PKD2L1: variants seen among roughly 807,000 people sequenced by gnomAD.
PKD2L1 encodes polycystin 2 like 1, transient receptor potential cation channel.
In PKD2L1, 77 loss-of-function variants were observed where a neutral mutation model predicts 93.0. The observed-to-expected ratio is 0.83, with a 90% confidence interval of 0.69 to 1.00. The LOEUF is 1.00. Ranked by LOEUF, PKD2L1 falls within the 50% of genes least tolerant of loss-of-function variation. The pLI, the probability that PKD2L1 is intolerant of heterozygous loss-of-function variation, is 0.00. For missense variants in PKD2L1, 977 were observed against 990.9 expected (o/e 0.99, Z 0.19); for synonymous variants, 390 against 388.0 (o/e 1.01, Z -0.06).
At chr10:100,294,472 T>A (rs1848474162) in intron 9 of PKD2L1, 63 bp downstream of exon 9, 4 of 1,576,950 alleles carry the variant, frequency 2.5e-6, no homozygotes, top group Non-Finnish European at 3.5e-6. Context: ...GTGAGGGACA[T>A]ACTAGGACCA....
chr10:100,323,984 C>T (rs1229446885), intron 2 of PKD2L1, among the ~76,000 whole-genome samples: 13 of 152,078 alleles, frequency 8.5e-5, no homozygotes, highest in South Asian at 2.1e-4. Context: ...CCCGCCATCA[C>T]GCCTGGCTAA....
chr10:100,293,445 C>A (rs1848451649), intron 9 of PKD2L1, 66 bp from the exon 10 acceptor site: 2 of 1,020,946 alleles, frequency 2.0e-6, no homozygotes, highest in Middle Eastern at 2.4e-4. Context: ...AGCCCACTGA[C>A]CCCATTAATG....
At position 100,329,253 on chromosome 10, in the gene PKD2L1, C is replaced by T. The variant is rs545418094; in HGVS notation, c.307G>A (p.Glu103Lys). Residue 103 changes from glutamate to lysine, a missense_variant, in exon 2 of 16, where the codon GAG (glutamate) becomes AAG (lysine). Coordinates refer to ENST00000318222, the MANE Select transcript of PKD2L1 (RefSeq NM_016112.3). Reference sequence around the variant, plus strand: ...AGGAACACAATATATACCAACAGCTCCCTCAGGGTGGTCTTGATATAAAGT... The same window carrying T: ...AGGAACACAATATATACCAACAGCTTCCTCAGGGTGGTCTTGATATAAAGT... The part of the protein sequence containing the change: ...RELYIKTTLR[E>K]LLVYIVFLVD... 19 of 1,614,060 alleles carry T rather than the reference C, an allele frequency of 1.2e-5. No individual in the cohort carries two copies. In the South Asian group the frequency reaches 1.9e-4, roughly 16 times the overall value.
At chr10:100,302,280 C>T (rs3892213) in intron 2 of PKD2L1, among the ~76,000 whole-genome samples, 26,704 of 150,746 alleles carry the variant, frequency 0.18, 2,812 homozygotes, top group African/African-American at 0.31. Flanking sequence ...CACACACACA[C>T]ATATCAATTA....
At position 100,298,735 on chromosome 10, in the gene PKD2L1, G is replaced by A. The variant is rs772581996; in HGVS notation, c.558C>T (p.Ser186=). Reference sequence around the variant, plus strand: ...GCAGCATGTTCTCATAGTAGATGAAGGAGTGGGAGCCATGGCCCAGGCTCT... The same window carrying A: ...GCAGCATGTTCTCATAGTAGATGAAAGAGTGGGAGCCATGGCCCAGGCTCT... ...NNQSLGHGSH[S]FIYYENMLLG... The change falls in exon 4 of 16, where the codon TCC becomes TCT. Residue 186 remains serine (S), a synonymous_variant. Transcript: ENST00000318222. 56 of 1,613,930 alleles carry A rather than the reference G, an allele frequency of 3.5e-5. No homozygotes were observed. The highest frequency in any genetic ancestry group is 5.3e-5 in the African/African-American group (4 of 74,886).
In PKD2L1 at chr10:100,288,981, G is replaced by GC; in HGVS notation, c.2325dup (p.Gln776AlafsTer4). The GC allele has an allele frequency of 6.2e-7, 1 of 1,602,590 alleles. No individual in the cohort carries two copies. The highest frequency in any genetic ancestry group is 8.5e-7 in the Non-Finnish European group (1 of 1,172,588). ...AGGCCCCCTTCCTCACCACTCTCCT[G>GC]CCCACCCTGGACTCCCCAGGGGTCT... is the stretch of plus-strand genomic sequence containing the variant. On this transcript the variant is annotated frameshift_variant, in exon 15 of 16. Transcript: ENST00000318222. LOFTEE classifies it low-confidence loss of function (END_TRUNC).
chr10:100,305,652 G>T (rs900706933), intron 2 of PKD2L1, among the ~76,000 whole-genome samples: 1 of 152,138 alleles, frequency 6.6e-6, no homozygotes, highest in Non-Finnish European at 1.5e-5. Flanking sequence ...CCTACACAGC[G>T]TGAAGGTAGA....
At chr10:100,309,627 G>A (rs1848885152) in intron 2 of PKD2L1, among the ~76,000 whole-genome samples, 1 of 152,150 alleles carries the variant, frequency 6.6e-6, no homozygotes, top group Admixed American at 6.5e-5. Flanking sequence ...TCAGGCCAGA[G>A]CAAATCTGCA....
chr10:100,326,686 TTGA>T (rs750884937), intron 2 of PKD2L1, among the ~76,000 whole-genome samples: 17 of 152,124 alleles, frequency 1.1e-4, no homozygotes, highest in Non-Finnish European at 2.1e-4. Flanking sequence ...AGGCACTGAG[TTGA>T]TGATTTCATG....
chr10:100,329,280 C>G lies in PKD2L1; in HGVS notation c.280G>C (p.Glu94Gln). 6.2e-7 allele frequency: 1 copy of G among 1,614,122 alleles called. No individual in the cohort carries two copies. The highest frequency in any genetic ancestry group is 2.2e-5 in the East Asian group (1 of 44,876). ...CTCAGGGTGGTCTTGATATAAAGTTCCCGGTTCTCAGCTGTGTTCTCAGTC... is the reference window on the plus strand; with the variant it reads ...CTCAGGGTGGTCTTGATATAAAGTTGCCGGTTCTCAGCTGTGTTCTCAGTC... ...TLTENTAENR[E>Q]LYIKTTLREL... Residue 94 changes from glutamate to glutamine, a missense_variant, in exon 2 of 16, where the codon GAA becomes CAA. Coordinates refer to ENST00000318222, the MANE Select transcript of PKD2L1 (RefSeq NM_016112.3).
chr10:100,313,989 T>G (rs1848995424), intron 2 of PKD2L1, among the ~76,000 whole-genome samples: 1 of 152,162 alleles, frequency 6.6e-6, no homozygotes, highest in Non-Finnish European at 1.5e-5. Flanking sequence ...AACAATTTAT[T>G]TGTAGGTAAT....
intron 2 of PKD2L1, among the ~76,000 whole-genome samples, 163 bp from the exon 3 acceptor site, chr10:100,299,881 C>T (rs1202307992): frequency 6.6e-6 from 1 of 152,114 alleles, no homozygotes; most frequent in Non-Finnish European, 1.5e-5. Context: ...CATGAGGAAG[C>T]CAGGAAATGC....
At chr10:100,329,039 G>T (rs1849440672) in intron 2 of PKD2L1, among the ~76,000 whole-genome samples, 172 bp downstream of exon 2, 1 of 152,196 alleles carries the variant, frequency 6.6e-6, no homozygotes. Flanking sequence ...ATCTTAAGCT[G>T]CAAAGGTAAA....
At chr10:100,302,985 T>G (rs919872994) in intron 2 of PKD2L1, among the ~76,000 whole-genome samples, 2 of 152,168 alleles carry the variant, frequency 1.3e-5, no homozygotes, top group African/African-American at 2.4e-5. Context: ...GTCTATAATT[T>G]ACTCTCAAAC....
At chr10:100,290,357 G>C (rs777817712) in intron 13 of PKD2L1, 44 bp downstream of exon 13, 2 of 1,371,912 alleles carry the variant, frequency 1.5e-6, no homozygotes, top group South Asian at 2.3e-5. Flanking sequence ...TATCGTAATA[G>C]AAGTGTTGCC....
chr10:100,318,848 T>C (rs1227943579), intron 2 of PKD2L1, among the ~76,000 whole-genome samples: 2 of 144,070 alleles, frequency 1.4e-5, no homozygotes, highest in African/African-American at 5.0e-5. Flanking sequence ...TCTCTCTCTC[T>C]ATCTTTTTTT....
At chr10:100,328,393 G>C in intron 2 of PKD2L1, among the ~76,000 whole-genome samples, 1 of 152,052 alleles carries the variant, frequency 6.6e-6, no homozygotes, top group East Asian at 1.9e-4. Context: ...CTCTCACATG[G>C]GACCATCACC....
chr10:100,321,668 AAAGAAAGAAAG>A (rs1176093442), intron 2 of PKD2L1, among the ~76,000 whole-genome samples: 1 of 600 alleles, frequency 1.7e-3, no homozygotes, highest in African/African-American at 4.5e-3. Context: ...GTGAGAAAAG[AAAGAAAGAAAG>A]AAAGAAAGAA....
In PKD2L1 at chr10:100,290,023, G is replaced by A. The variant is rs547268465; in HGVS notation, c.2242C>T (p.Pro748Ser). The change falls in exon 14 of 16, where the codon CCA becomes TCA. Residue 748 changes from proline to serine, a missense_variant. Coordinates refer to ENST00000318222, the MANE Select transcript of PKD2L1 (RefSeq NM_016112.3). Reference sequence around the variant, plus strand: ...GGTGAAGGGCCACTCACCACGCCTGGGGAGGGAGCCAGCCACCCCTTCCTC... The same window carrying A: ...GGTGAAGGGCCACTCACCACGCCTGAGGAGGGAGCCAGCCACCCCTTCCTC... ...LERKGWLAPS[P>S]GVKEQAIWKH... 8.1e-6 allele frequency: 13 copies of A among 1,614,174 alleles called. No homozygotes were observed. In the Admixed American group the frequency reaches 2.0e-4, roughly 25 times the overall value.
Sources: gnomAD v4.1 joint callset for allele counts (sites outside exome capture counted in the v4.1 genomes callset) on GRCh38, gnomAD v4.1.1 for gene constraint, MANE v1.5 for transcripts, NCBI Gene and HGNC (gene_info 2026-07-23, HGNC 2026-07-21) for gene names.